CELSR1: variants seen among roughly 807,000 people sequenced by gnomAD.
CELSR1 encodes cadherin EGF LAG seven-pass G-type receptor 1, also known as adhesion G protein-coupled receptor C1.
In CELSR1, 110 loss-of-function variants were observed where a neutral mutation model predicts 249.1. The ratio of observed to expected loss-of-function variants is 0.44; its 90% CI spans 0.38 to 0.52. The LOEUF is 0.52. Ranked by LOEUF, CELSR1 falls within the 20% of genes least tolerant of loss-of-function variation. The pLI, the probability that CELSR1 is intolerant of heterozygous loss-of-function variation, is 0.00. For missense variants in CELSR1, 4,109 were observed against 4,296.4 expected, an observed-to-expected ratio of 0.96 and a Z score of 1.22; for synonymous variants, 2,113 against 1,900.0, an observed-to-expected ratio of 1.11 and a Z score of -2.92.
rs886891428 is a variant in CELSR1 at position 46,470,829 on chromosome 22, G to C, written c.3545-6484C>G. Among the ~76,000 whole-genome samples, 5 of 152,120 alleles carry C rather than the reference G, an allele frequency of 3.3e-5. No individual in the cohort carries two copies. In the South Asian group the frequency reaches 1.0e-3, roughly 32 times the overall value. On this transcript the variant is annotated intron_variant, in intron 1 of 34. Coordinates refer to ENST00000674500, the MANE Select transcript of CELSR1 (RefSeq NM_001378328.1). ...GATAGATCAAGACAACATGATGTTA[G>C]GTTACAAGAAACAGGCCAGGAGCAG... is the stretch of plus-strand genomic sequence containing the variant.
In CELSR1 at chr22:46,402,886, T is replaced by C. The variant is rs1355122113; in HGVS notation, c.5227-2984A>G. 6.6e-6 allele frequency among the ~76,000 whole-genome samples: 1 copy of C among 152,132 alleles called. No individual in the cohort carries two copies. The highest frequency in any genetic ancestry group is 1.9e-4 in the East Asian group (1 of 5,194). ...AGCCTAGATTTTAGAAAAACAACTA[T>C]TAGCACACTGCTTATATTATACCTG... On this transcript the variant is annotated intron_variant, in intron 9 of 34. Transcript: ENST00000674500. The surrounding 1 kb of genome is among the most constrained non-coding windows in gnomAD (Gnocchi z 5.0).
intron 32 of CELSR1, among the ~76,000 whole-genome samples, 178 bp from the exon 33 acceptor site, chr22:46,364,914 T>G (rs1378613166): frequency 6.6e-6 from 1 of 152,160 alleles, no homozygotes; most frequent in East Asian, 1.9e-4. Flanking sequence ...GCAGGGCCCT[T>G]GTTGGGAGCC....
chr22:46,487,906 G>C (rs2080331002), intron 1 of CELSR1, among the ~76,000 whole-genome samples: 1 of 139,208 alleles, frequency 7.2e-6, no homozygotes, highest in African/African-American at 2.7e-5. Flanking sequence ...GTATATGGGA[G>C]GGCTGTCCAG....
chr22:46,363,101 C>T lies in CELSR1; in HGVS notation c.*122G>A, dbSNP rs1350060618. ...GGACCGCCACACTCTGGGCCCACTCCACTTCAAGGGCAGTGGCCCCTTGGG... is the reference window on the plus strand; with the variant it reads ...GGACCGCCACACTCTGGGCCCACTCTACTTCAAGGGCAGTGGCCCCTTGGG... On this transcript the variant is annotated 3_prime_UTR_variant, in exon 35 of 35. Transcript: ENST00000674500. This position sits in a 1 kb window ranked among gnomAD's most constrained non-coding sequence, Gnocchi z 4.3. The T allele has an allele frequency of 8.1e-6, 13 of 1,606,252 alleles. No individual in the cohort carries two copies. The highest frequency in any genetic ancestry group is 1.0e-5 in the Non-Finnish European group (12 of 1,174,104).
intron 1 of CELSR1, among the ~76,000 whole-genome samples, chr22:46,469,793 C>A (rs1156728555): frequency 3.3e-5 from 5 of 150,354 alleles, no homozygotes; most frequent in African/African-American, 4.9e-5. Flanking sequence ...AGATTACAAG[C>A]GTGAACCACC....
chr22:46,441,022 G>A lies in CELSR1; in HGVS notation c.4184-1611C>T, dbSNP rs918547159. On this transcript the variant is annotated intron_variant, in intron 2 of 34. Transcript: ENST00000674500. This position sits in a 1 kb window ranked among gnomAD's most constrained non-coding sequence, Gnocchi z 6.1. ...ACAAAAATTAGCCAGGCGTGGTGGC[G>A]GGTGCCTGTAATCCCATCTACTCGG... is the stretch of plus-strand genomic sequence containing the variant. 2.6e-5 allele frequency among the ~76,000 whole-genome samples: 4 copies of A among 151,944 alleles called. No homozygotes were observed. The highest frequency in any genetic ancestry group is 4.4e-5 in the Non-Finnish European group (3 of 68,000).
chr22:46,424,825 A>G (rs1020634592), intron 5 of CELSR1, among the ~76,000 whole-genome samples: 1 of 152,204 alleles, frequency 6.6e-6, no homozygotes, highest in African/African-American at 2.4e-5. Flanking sequence ...ATACAAAATT[A>G]GCCGAGCATG....
In CELSR1 at chr22:46,534,846, G is replaced by A. The variant is rs1435892573; in HGVS notation, c.2325C>T (p.Val775=). The part of the protein sequence containing the change: ...SDGTRSHTAH[V]LINVTDANTH... ...TGTTGGCATCAGTGACGTTGATTAG[G>A]ACATGCGCAGTGTGCGACCGTGTGC... The change falls in exon 1 of 35, where the codon GTC becomes GTT. Residue 775 remains valine (V), a synonymous_variant. Transcript: ENST00000674500. The surrounding 1 kb of genome is among the most constrained non-coding windows in gnomAD (Gnocchi z 9.7). 15 of 1,612,992 alleles carry A rather than the reference G, an allele frequency of 9.3e-6. No homozygotes were observed. The highest frequency in any genetic ancestry group is 1.3e-5 in the Non-Finnish European group (15 of 1,179,992).
intron 1 of CELSR1, among the ~76,000 whole-genome samples, chr22:46,477,009 T>C (rs949477747): frequency 2.6e-5 from 4 of 152,214 alleles, no homozygotes; most frequent in African/African-American, 7.2e-5. Context: ...GGCGTGACAT[T>C]GTACAAAAGG....
At position 46,527,875 on chromosome 22, in the gene CELSR1, A is replaced by C. The variant is rs1453176487; in HGVS notation, c.3544+5752T>G. On this transcript the variant is annotated intron_variant, in intron 1 of 34. Transcript: ENST00000674500. This position sits in a 1 kb window ranked among gnomAD's most constrained non-coding sequence, Gnocchi z 5.5. Reference sequence around the variant, plus strand: ...TTTTGGGAGGCTGAGGCGGGCGGATAGCCTGAGGTCAGGAGTTGGAGACCA... The same window carrying C: ...TTTTGGGAGGCTGAGGCGGGCGGATCGCCTGAGGTCAGGAGTTGGAGACCA... 2.0e-5 allele frequency among the ~76,000 whole-genome samples: 3 copies of C among 152,152 alleles called. No homozygotes were observed. Among genetic ancestry groups the C allele is most frequent in the African/African-American group, 7.2e-5 (3 of 41,506 alleles).
Position 46,472,323 on chromosome 22 carries a change from T to C in CELSR1, c.3545-7978A>G, listed in dbSNP as rs1036184292. Among the ~76,000 whole-genome samples the C allele has an allele frequency of 2.0e-5, 3 of 152,144 alleles. No individual in the cohort carries two copies. Among genetic ancestry groups the C allele is most frequent in the Admixed American group, 2.0e-4 (3 of 15,274 alleles). On this transcript the variant is annotated intron_variant, in intron 1 of 34. Coordinates refer to ENST00000674500, the MANE Select transcript of CELSR1 (RefSeq NM_001378328.1). The surrounding 1 kb of genome is among the most constrained non-coding windows in gnomAD (Gnocchi z 7.0). ...GCAGTAAGATAAAGGTTATCTGCAA[T>C]TGTGTTCCCCATGGTGGGCTCATGC...
Position 46,398,617 on chromosome 22 carries a change from G to A in CELSR1, c.5433C>T (p.Gly1811=), listed in dbSNP as rs1209269252. The A allele has an allele frequency of 6.2e-7, 1 of 1,613,824 alleles. No individual in the cohort carries two copies. Among genetic ancestry groups the A allele is most frequent in the South Asian group, 1.1e-5 (1 of 91,074 alleles). The change falls in exon 11 of 35, where the codon GGC becomes GGT. Residue 1811 remains glycine (G), a synonymous_variant. Transcript: ENST00000674500. This position sits in a 1 kb window ranked among gnomAD's most constrained non-coding sequence, Gnocchi z 7.2. ...GMDQNKADIG[G]MLPGLTVRSV... is the part of the protein sequence containing the mutation. ...TCCTTACCGTCAGCCCGGGAAGCAT[G>A]CCCCCGATATCTGCCTTGTTCTGTG...
At chr22:46,384,005 G>A (rs1243711054) in intron 20 of CELSR1, among the ~76,000 whole-genome samples, 1 of 151,958 alleles carries the variant, frequency 6.6e-6, no homozygotes, top group Non-Finnish European at 1.5e-5. Context: ...GCATATCTCG[G>A]CTCACTACAA....
At chr22:46,386,336 G>A in intron 19 of CELSR1, 66 bp downstream of exon 19, 1 of 1,431,070 alleles carries the variant, frequency 7.0e-7, no homozygotes, top group Non-Finnish European at 9.2e-7. Context: ...ACCCCATGGG[G>A]GCCTAGCTCT....
chr22:46,401,123 G>A lies in CELSR1; in HGVS notation c.5227-1221C>T, dbSNP rs190892305. Among the ~76,000 whole-genome samples the A allele has an allele frequency of 5.7e-4, 86 of 152,182 alleles. No homozygotes were observed. The highest frequency in any genetic ancestry group is 6.2e-4 in the South Asian group (3 of 4,818). On this transcript the variant is annotated intron_variant, in intron 9 of 34. Coordinates refer to ENST00000674500, the MANE Select transcript of CELSR1 (RefSeq NM_001378328.1). The surrounding 1 kb of genome is among the most constrained non-coding windows in gnomAD (Gnocchi z 4.7). ...GCTTTTAAGTACTGGGACCCAGCTC[G>A]ATTCAGGTAACTACTGGGCTCCTAT...
chr22:46,377,668 T>C (rs934243107), intron 23 of CELSR1: 2 of 251,112 alleles, frequency 8.0e-6, no homozygotes, highest in Non-Finnish European at 1.6e-5. Context: ...CGCCCACATA[T>C]GAACAAACTC....
chr22:46,416,993 A>G (rs1370610032), intron 5 of CELSR1, among the ~76,000 whole-genome samples: 2 of 151,718 alleles, frequency 1.3e-5, no homozygotes, highest in East Asian at 1.9e-4. Flanking sequence ...TGGGAGGGGC[A>G]CGTCTTAGGA....
chr22:46,460,363 G>T (rs34459442), intron 2 of CELSR1, among the ~76,000 whole-genome samples: 1 of 152,170 alleles, frequency 6.6e-6, no homozygotes. Flanking sequence ...TGAGGAGGTC[G>T]GGAAACTTCC....
At chr22:46,516,273 A>G (rs906858098) in intron 1 of CELSR1, among the ~76,000 whole-genome samples, 2 of 152,226 alleles carry the variant, frequency 1.3e-5, no homozygotes, top group African/African-American at 4.8e-5. Context: ...AATACTATGC[A>G]GCCATAAAAA....
Sources: allele counts gnomAD v4.1 joint callset (sites outside exome capture counted in the v4.1 genomes callset), GRCh38; gene constraint gnomAD v4.1.1; non-coding constraint Gnocchi (gnomAD v3.1); transcripts MANE v1.5; gene names NCBI Gene and HGNC (gene_info 2026-07-23, HGNC 2026-07-21).